The following SPTLC1 variants were observed in gnomAD, a reference collection of about 807,000 sequenced individuals.
SPTLC1 encodes serine palmitoyltransferase long chain base subunit 1, also known as serine palmitoyltransferase 1.
Under a neutral mutation model 68.9 loss-of-function variants are expected in SPTLC1, and 55 were observed. The observed-to-expected ratio is 0.80, with a 90% CI of 0.64 to 1.00. SPTLC1 has a LOEUF of 1.00. Ranked by LOEUF, SPTLC1 falls within the 50% of genes least tolerant of loss-of-function variation. The pLI is 0.00. For missense variants in SPTLC1, 449 were observed against 573.1 expected, an observed-to-expected ratio of 0.78 and a Z score of 2.21; for synonymous variants, 197 against 201.6, an observed-to-expected ratio of 0.98 and a Z score of 0.19.
intron 12 of SPTLC1, among the ~76,000 whole-genome samples, chr9:92,039,409 C>A (rs1053411191): frequency 6.7e-6 from 1 of 148,844 alleles, no homozygotes; most frequent in Non-Finnish European, 1.5e-5. Context: ...GATGCTATGT[C>A]ATACTACTAT....
chr9:92,081,370 C>A (rs1450570090), intron 3 of SPTLC1, among the ~76,000 whole-genome samples: 1 of 152,164 alleles, frequency 6.6e-6, no homozygotes, highest in East Asian at 1.9e-4. Flanking sequence ...GAGTTATGAT[C>A]TTGCATAGTT....
chr9:92,040,370 CAAAACA>C (rs1452324801), intron 12 of SPTLC1, among the ~76,000 whole-genome samples: 6 of 150,756 alleles, frequency 4.0e-5, no homozygotes, highest in African/African-American at 1.2e-4. Context: ...GACTCTGTCT[CAAAACA>C]AAAACAAAAA....
chr9:92,111,162 T>C (rs1050471470), intron 2 of SPTLC1: 4 of 152,182 alleles, frequency 2.6e-5, no homozygotes, highest in Non-Finnish European at 5.9e-5. Flanking sequence ...TTAATTTTCC[T>C]ACAACTTTTT....
chr9:92,050,585 A>G lies in SPTLC1; in HGVS notation c.781-518T>C, dbSNP rs548341058. 2.4e-3 allele frequency: 373 copies of G among 157,502 alleles called. 2 individuals carry two copies. Among genetic ancestry groups the G allele is most frequent in the Non-Finnish European group, 3.5e-3 (245 of 71,012 alleles). The allele number at this position is 157,502 out of a possible 1,614,324, so 9.8% of individuals were successfully genotyped here. On this transcript the variant is annotated intron_variant, in intron 8 of 14. Coordinates refer to ENST00000262554, the MANE Select transcript of SPTLC1 (RefSeq NM_006415.4). ...GACATTAAATAAGACACCTTTAAAC[A>G]AAAATACACATAAAGCAAGTTTTGT...
intron 3 of SPTLC1, among the ~76,000 whole-genome samples, chr9:92,083,719 T>C (rs1340239887): frequency 6.6e-6 from 1 of 152,130 alleles, no homozygotes; most frequent in Non-Finnish European, 1.5e-5. Context: ...GACTTGGCGA[T>C]GTGGGCTCTT....
At chr9:92,079,552 T>C (rs759821878) in intron 5 of SPTLC1, 8 of 1,613,612 alleles carry the variant, frequency 5.0e-6, no homozygotes, top group Non-Finnish European at 6.8e-6. Context: ...AAATCAATGA[T>C]CCTTCATCTT....
At chr9:92,050,105 C>A (rs1339606358) in intron 8 of SPTLC1, 38 bp from the exon 9 acceptor site, 1 of 1,266,908 alleles carries the variant, frequency 7.9e-7, no homozygotes, top group Admixed American at 1.7e-5. Context: ...TAATGATTAG[C>A]ACCATATAGA....
chr9:92,081,190 A>G (rs1834872663), intron 3 of SPTLC1, among the ~76,000 whole-genome samples: 1 of 152,220 alleles, frequency 6.6e-6, no homozygotes, highest in Non-Finnish European at 1.5e-5. Flanking sequence ...TGAAAATAAA[A>G]AAGAAAAATA....
chr9:92,114,143 G>C (rs1250724974), intron 1 of SPTLC1, among the ~76,000 whole-genome samples: 1 of 151,976 alleles, frequency 6.6e-6, no homozygotes, highest in African/African-American at 2.4e-5. Context: ...GGGCATGGTG[G>C]TATGTGGTCC....
intron 3 of SPTLC1, among the ~76,000 whole-genome samples, chr9:92,084,138 TG>T (rs1313082864): frequency 6.6e-6 from 1 of 151,540 alleles, no homozygotes; most frequent in African/African-American, 2.4e-5. Flanking sequence ...AAGGAGATTT[TG>T]GGCTGAGACA....
chr9:92,110,041 CTT>C (rs1461487663), intron 2 of SPTLC1: 1 of 152,210 alleles, frequency 6.6e-6, no homozygotes, highest in East Asian at 1.9e-4. Context: ...GATATTGACA[CTT>C]TGTAGATGTC....
At chr9:92,080,799 C>T in intron 4 of SPTLC1, 71 bp downstream of exon 4, 2 of 1,301,302 alleles carry the variant, frequency 1.5e-6, no homozygotes, top group Non-Finnish European at 2.2e-6. Context: ...CCCAGCCTGC[C>T]TTTGTCTTTT....
At position 92,091,010 on chromosome 9, in the gene SPTLC1, T is replaced by G. The variant is rs1458317948; in HGVS notation, c.261-10047A>C. Among the ~76,000 whole-genome samples, 3 of 152,294 alleles carry G rather than the reference T, an allele frequency of 2.0e-5. No individual in the cohort carries two copies. In the East Asian group the frequency reaches 5.8e-4, roughly 29 times the overall value. On this transcript the variant is annotated intron_variant, in intron 3 of 14. Coordinates refer to ENST00000262554, the MANE Select transcript of SPTLC1 (RefSeq NM_006415.4). ...TGTGAGGGCAAATAAACTTCTACTT[T>G]CCCTAAGCCATCTAAGTTTGGGTTT...
intron 8 of SPTLC1, among the ~76,000 whole-genome samples, chr9:92,054,922 A>C (rs1164386075): frequency 6.6e-6 from 1 of 151,796 alleles, no homozygotes; most frequent in Non-Finnish European, 1.5e-5. Flanking sequence ...GGGGAGAAAA[A>C]AAAAGCTAAA....
chr9:92,080,145 A>G (rs1048750615), intron 4 of SPTLC1, 57 bp from the exon 5 acceptor site: 1 of 1,421,634 alleles, frequency 7.0e-7, no homozygotes, highest in Middle Eastern at 1.8e-4. Context: ...GTTCAAAACA[A>G]ACATTTCCTA....
intron 3 of SPTLC1, among the ~76,000 whole-genome samples, chr9:92,107,147 G>C (rs1333368963): frequency 1.3e-5 from 2 of 152,140 alleles, no homozygotes; most frequent in Admixed American, 1.3e-4. Context: ...GAATAGTCTA[G>C]ACAATTTTGA....
chr9:92,104,380 C>T (rs1835875467), intron 3 of SPTLC1: 12 of 1,400,982 alleles, frequency 8.6e-6, no homozygotes, highest in South Asian at 4.7e-5. Context: ...CAACCGTCAG[C>T]GACATCTTGG....
At chr9:92,065,013 G>T (rs1834233635) in intron 6 of SPTLC1, among the ~76,000 whole-genome samples, 2 of 152,202 alleles carry the variant, frequency 1.3e-5, no homozygotes, top group Non-Finnish European at 2.9e-5. Flanking sequence ...GAAATGTTCT[G>T]CATCTTGACA....
intron 12 of SPTLC1, among the ~76,000 whole-genome samples, chr9:92,042,973 T>C (rs1833402180): frequency 6.6e-6 from 1 of 152,222 alleles, no homozygotes; most frequent in Non-Finnish European, 1.5e-5. Flanking sequence ...TAAACTGAAA[T>C]ATTCTTCTCT....
Sources: gnomAD v4.1 joint callset for allele counts (sites outside exome capture counted in the v4.1 genomes callset) on GRCh38, gnomAD v4.1.1 for gene constraint, MANE v1.5 for transcripts, NCBI Gene and HGNC (gene_info 2026-07-23, HGNC 2026-07-21) for gene names.